ODAPH: variants seen among roughly 807,000 people sequenced by gnomAD.
The protein encoded by ODAPH is amelogenesis imperfecta type IIA4.
Under a neutral mutation model 2.8 loss-of-function variants are expected in ODAPH, and 2 were observed. The observed-to-expected ratio is 0.72, with a 90% CI of 0.30 to 2.28. The LOEUF is 2.28. Among genes scored for constraint, ODAPH ranks in the 30% most tolerant of loss-of-function variants. ODAPH has a pLI of 0.13. For synonymous variants in ODAPH, 75 were observed against 60.3 expected, an observed-to-expected ratio of 1.24 and a Z score of -1.13; for missense variants, 159 against 163.3, an observed-to-expected ratio of 0.97 and a Z score of 0.14.
At chr4:75,561,707 C>T (rs573892884) in intron 1 of ODAPH, among the ~76,000 whole-genome samples, 20 of 152,182 alleles carry the variant, frequency 1.3e-4, no homozygotes, top group South Asian at 1.2e-3. Context: ...ATTAGCTAGG[C>T]GTGGTGGCGG....
intron 1 of ODAPH, chr4:75,556,572 T>C: frequency 2.0e-6 from 3 of 1,535,038 alleles, no homozygotes; most frequent in Non-Finnish European, 2.6e-6. Flanking sequence ...AGCAGCATAT[T>C]AATTTGCACA....
At chr4:75,556,672 T>C in intron 1 of ODAPH, 1 of 948,888 alleles carries the variant, frequency 1.1e-6, no homozygotes, top group Admixed American at 2.2e-5. Flanking sequence ...CAGGTTTCTT[T>C]CTTTAGGATT....
rs940817217 is a variant in ODAPH, at chr4:75,556,243, T to C, written c.67+94T>C. The C allele has an allele frequency of 1.0e-5, 13 of 1,239,282 alleles. No individual in the cohort carries two copies. In the Admixed American group the frequency reaches 1.3e-4, roughly 12 times the overall value. The allele number at this position is 1,239,282 out of a possible 1,614,324, so 76.8% of individuals were successfully genotyped here. ...CTCCATGATTATACGTTCCCATAAA[T>C]TGGAAATATTTACCTCAGCTTCCAT... On this transcript the variant is annotated intron_variant, in intron 1 of 1. Coordinates refer to ENST00000311623, the MANE Select transcript of ODAPH (RefSeq NM_178497.5).
chr4:75,556,379 A>G (rs1358540684), intron 1 of ODAPH, among the ~76,000 whole-genome samples: 2 of 152,226 alleles, frequency 1.3e-5, no homozygotes, highest in Admixed American at 6.5e-5. Flanking sequence ...TCTGAGTATC[A>G]GATTCCTCAT....
At chr4:75,560,988 C>G (rs1395263609) in intron 1 of ODAPH, among the ~76,000 whole-genome samples, 1 of 151,770 alleles carries the variant, frequency 6.6e-6, no homozygotes, top group Non-Finnish European at 1.5e-5. Context: ...GAGGCCGAGG[C>G]GGGCGGATCA....
chr4:75,562,314 C>T (rs963141833), intron 1 of ODAPH, among the ~76,000 whole-genome samples: 9 of 151,750 alleles, frequency 5.9e-5, no homozygotes, highest in African/African-American at 2.2e-4. Flanking sequence ...AGTGCCTCAG[C>T]ACTCTCAACT....
chr4:75,564,135 C>T lies in ODAPH; in HGVS notation c.89C>T (p.Pro30Leu), dbSNP rs2306175. 375,481 of 1,613,544 alleles carry T rather than the reference C, an allele frequency of 0.23. 44,961 individuals are homozygous for T. The highest frequency in any genetic ancestry group is 0.3 in the African/African-American group (22,600 of 74,934). Residue 30 changes from proline to leucine, a missense_variant, in exon 2 of 2, where the codon CCT (proline) becomes CTT (leucine). Physicochemically the swap from Pro to Leu is moderately conservative, Grantham distance 98. Coordinates refer to ENST00000311623, the MANE Select transcript of ODAPH (RefSeq NM_178497.5). ...VAEGQEEVFTPPGDSQNNADA... is the reference protein window; with the variant it reads ...VAEGQEEVFTLPGDSQNNADA... ...ACAGGACAAGAAGAGGTATTTACGC[C>T]TCCTGGAGATTCACAAAATAATGCG...
intron 1 of ODAPH, among the ~76,000 whole-genome samples, chr4:75,561,845 G>GA (rs1352339767): frequency 6.6e-6 from 1 of 151,626 alleles, no homozygotes; most frequent in Non-Finnish European, 1.5e-5. Flanking sequence ...AGACTCCGTC[G>GA]AAAAAAAAGA....
At position 75,562,023 on chromosome 4, in the gene ODAPH, C is replaced by A. The variant is rs546780670; in HGVS notation, c.68-2091C>A. On this transcript the variant is annotated intron_variant, in intron 1 of 1. Coordinates refer to ENST00000311623, the MANE Select transcript of ODAPH (RefSeq NM_178497.5). Reference sequence around the variant, plus strand: ...ACAAAACCTGACACTCCAGCCCCTGCCCTACACCTTCCACTGACGTCTTCC... The same window carrying A: ...ACAAAACCTGACACTCCAGCCCCTGACCTACACCTTCCACTGACGTCTTCC... 5.3e-5 allele frequency among the ~76,000 whole-genome samples: 8 copies of A among 152,238 alleles called. No homozygotes were observed. In the East Asian group the frequency reaches 1.5e-3, roughly 29 times the overall value.
intron 1 of ODAPH, among the ~76,000 whole-genome samples, chr4:75,560,598 G>A (rs1727521771): frequency 6.6e-6 from 1 of 152,206 alleles, no homozygotes; most frequent in Non-Finnish European, 1.5e-5. Context: ...GGAAGAATGT[G>A]GTTTTATGGG....
downstream of ODAPH, chr4:75,564,878 G>T: frequency 4.0e-6 from 1 of 248,838 alleles, no homozygotes; most frequent in Non-Finnish European, 7.7e-6. Context: ...AAGGTGCATT[G>T]ACAAAGTAAA....
intron 1 of ODAPH, among the ~76,000 whole-genome samples, chr4:75,557,861 T>G (rs1392517401): frequency 1.3e-5 from 2 of 152,222 alleles, no homozygotes; most frequent in East Asian, 3.8e-4. Flanking sequence ...CAACCACAGC[T>G]GCTCCCTCCA....
At chr4:75,556,501 A>C in intron 1 of ODAPH, 4 of 1,502,792 alleles carry the variant, frequency 2.7e-6, no homozygotes, top group Non-Finnish European at 3.6e-6. Flanking sequence ...AATACTAGTT[A>C]TTATGGTTAC....
At position 75,562,540 on chromosome 4, in the gene ODAPH, A is replaced by G. The variant is rs7653990; in HGVS notation, c.68-1574A>G. ...TTTTTAGTAGAGACAGGGTTTCTCC[A>G]TGTTGGTCAGGCTGGTCTCGAACTA... On this transcript the variant is annotated intron_variant, in intron 1 of 1. Coordinates refer to ENST00000311623, the MANE Select transcript of ODAPH (RefSeq NM_178497.5). Among the ~76,000 whole-genome samples, 800 of 152,082 alleles carry G rather than the reference A, an allele frequency of 5.3e-3. 4 individuals are homozygous for G. The highest frequency in any genetic ancestry group is 0.018 in the African/African-American group (760 of 41,470).
At chr4:75,561,633 G>C (rs950140655) in intron 1 of ODAPH, among the ~76,000 whole-genome samples, 2 of 152,138 alleles carry the variant, frequency 1.3e-5, no homozygotes, top group Non-Finnish European at 2.9e-5. Flanking sequence ...GATCACTTGA[G>C]GTCAGGAGTT....
intron 1 of ODAPH, chr4:75,556,562 A>G: frequency 3.3e-6 from 5 of 1,535,164 alleles, no homozygotes; most frequent in Non-Finnish European, 4.4e-6. Context: ...TTCTATCTCC[A>G]GCAGCATATT....
chr4:75,562,696 C>T (rs1638291061), intron 1 of ODAPH, among the ~76,000 whole-genome samples: 2 of 152,130 alleles, frequency 1.3e-5, no homozygotes, highest in South Asian at 4.1e-4. Context: ...AGTGAAGGAA[C>T]AATTTTCTAA....
chr4:75,560,592 GA>G (rs1425484005), intron 1 of ODAPH, among the ~76,000 whole-genome samples: 1 of 152,228 alleles, frequency 6.6e-6, no homozygotes, highest in African/African-American at 2.4e-5. Flanking sequence ...TTGTTTGGAA[GA>G]ATGTGGTTTT....
intron 1 of ODAPH, among the ~76,000 whole-genome samples, chr4:75,561,217 C>CA (rs1255436348): frequency 1.2e-5 from 1 of 84,664 alleles, no homozygotes. Context: ...GAGCGAAACT[C>CA]AATCTCAAAA....
Sources: allele counts gnomAD v4.1 joint callset (sites outside exome capture counted in the v4.1 genomes callset), GRCh38; gene constraint gnomAD v4.1.1; transcripts MANE v1.5; gene names NCBI Gene and HGNC (gene_info 2026-07-23, HGNC 2026-07-21).